Variants in SSU72 observed in about 807,000 individuals in gnomAD.
SSU72 encodes the protein RNA polymerase II subunit A C-terminal domain phosphatase SSU72.
Under a neutral mutation model 22.7 loss-of-function variants are expected in SSU72, and 12 were observed. The observed-to-expected ratio is 0.53, with a 90% CI of 0.34 to 0.86. The LOEUF (loss-of-function observed/expected upper bound fraction) is 0.86, where lower values mean the gene tolerates loss of function less well. Ranked by LOEUF, SSU72 falls within the 40% of genes least tolerant of loss-of-function variation. The pLI is 0.02. For missense variants in SSU72, 151 were observed against 249.8 expected (o/e 0.60, Z 2.67); for synonymous variants, 116 against 98.3 (o/e 1.18, Z -1.06).
intron 2 of SSU72, among the ~76,000 whole-genome samples, chr1:1,547,465 T>C (rs1251736467): frequency 6.6e-6 from 1 of 152,246 alleles, no homozygotes; most frequent in Non-Finnish European, 1.5e-5. Flanking sequence ...GCCACCCTTC[T>C]GGATCTCCTG....
At chr1:1,548,533 G>A (rs1265552069) in intron 2 of SSU72, among the ~76,000 whole-genome samples, 1 of 143,182 alleles carries the variant, frequency 7.0e-6, no homozygotes, top group East Asian at 2.1e-4. Flanking sequence ...TGGCCTCGGT[G>A]ACAGGAGCAA....
intron 2 of SSU72, among the ~76,000 whole-genome samples, chr1:1,549,452 G>A (rs1473886083): frequency 6.6e-6 from 1 of 151,592 alleles, no homozygotes; most frequent in African/African-American, 2.4e-5. Flanking sequence ...ACCCGGAGGC[G>A]GAGCTTGCAG....
chr1:1,574,631 TGGC>T lies in SSU72; in HGVS notation c.-77_-75del. 2.1e-6 allele frequency: 3 copies of T among 1,430,132 alleles called. No individual in the cohort carries two copies. The highest frequency in any genetic ancestry group is 2.8e-6 in the Non-Finnish European group (3 of 1,072,216). 88.6% of individuals were successfully genotyped at this position (1,430,132 alleles called of 1,614,324 possible). A position where few individuals can be genotyped will look rare whatever the true frequency, so the allele number is the denominator to read the frequency against. ...CCGCGGCGCTTCCGCGCGAACAAAA[TGGC>T]GGCCGCGGTGGCCGGAAGCGGGCGA... On this transcript the variant is annotated 5_prime_UTR_variant, in exon 1 of 5. Coordinates refer to ENST00000291386, the MANE Select transcript of SSU72 (RefSeq NM_014188.3).
chr1:1,562,495 A>C (rs1043587317), intron 2 of SSU72: 1 of 152,224 alleles, frequency 6.6e-6, no homozygotes, highest in Admixed American at 6.5e-5. Context: ...TGCACCGCCT[A>C]AGACTCAGAG....
At chr1:1,543,068 G>GCAGAGA (rs1481693345) in intron 4 of SSU72, among the ~76,000 whole-genome samples, 1 of 152,230 alleles carries the variant, frequency 6.6e-6, no homozygotes, top group African/African-American at 2.4e-5. Context: ...AGAGGCAGAG[G>GCAGAGA]CAGAGGCGGG....
chr1:1,554,025 G>A lies in SSU72; in HGVS notation c.225-9023C>T, dbSNP rs1033527132. Among the ~76,000 whole-genome samples, 2 of 152,198 alleles carry A rather than the reference G, an allele frequency of 1.3e-5. No individual in the cohort carries two copies. The highest frequency in any genetic ancestry group is 2.9e-5 in the Non-Finnish European group (2 of 68,026). On this transcript the variant is annotated intron_variant, in intron 2 of 4. Transcript: ENST00000291386. This position sits in a 1 kb window ranked among gnomAD's most constrained non-coding sequence, Gnocchi z 4.1. The stretch of plus-strand genomic sequence containing the variant: ...GTGGTGAGAACTCAGCAGGTCCGGG[G>A]GACGTCAGGTGGCCACGGAGACCAC...
At chr1:1,559,107 C>T (rs1189309981) in intron 2 of SSU72, among the ~76,000 whole-genome samples, 1 of 152,250 alleles carries the variant, frequency 6.6e-6, no homozygotes, top group African/African-American at 2.4e-5. Context: ...CTCTACTCCA[C>T]GTGCCACTGA....
Position 1,554,856 on chromosome 1 carries a change from C to A in SSU72, c.225-9854G>T, listed in dbSNP as rs1200390413. 2.0e-5 allele frequency among the ~76,000 whole-genome samples: 3 copies of A among 152,304 alleles called. No individual in the cohort carries two copies. The highest frequency in any genetic ancestry group is 4.1e-4 in the South Asian group (2 of 4,828). ...GCTGCCGGCGCCAGCCCCACGTACC[C>A]CCGACCACCTCAGCTCCTGGCCCTC... On this transcript the variant is annotated intron_variant, in intron 2 of 4. Transcript: ENST00000291386. This position sits in a 1 kb window ranked among gnomAD's most constrained non-coding sequence, Gnocchi z 4.1.
intron 1 of SSU72, among the ~76,000 whole-genome samples, chr1:1,572,299 G>A (rs1642740787): frequency 7.1e-6 from 1 of 140,990 alleles, no homozygotes; most frequent in Non-Finnish European, 1.5e-5. Flanking sequence ...GTGGTGGCGG[G>A]CGCCTGTAGT....
chr1:1,556,723 G>A (rs185334797), intron 2 of SSU72, among the ~76,000 whole-genome samples: 11 of 152,304 alleles, frequency 7.2e-5, no homozygotes, highest in African/African-American at 2.6e-4. Flanking sequence ...CTCTGGGGGG[G>A]TCCACCATGG....
At chr1:1,553,077 G>T (rs1434899019) in intron 2 of SSU72, among the ~76,000 whole-genome samples, 1 of 150,528 alleles carries the variant, frequency 6.6e-6, no homozygotes, top group Non-Finnish European at 1.5e-5. Context: ...GTCTTAAATT[G>T]TGAATTATTC....
intron 2 of SSU72, chr1:1,561,494 A>T (rs1642591947): frequency 6.6e-6 from 1 of 152,172 alleles, no homozygotes; most frequent in Non-Finnish European, 1.5e-5. Context: ...ACTTCTGCCA[A>T]CGCACCGGCT....
chr1:1,571,004 T>A (rs1320013180), intron 1 of SSU72, among the ~76,000 whole-genome samples: 1 of 151,974 alleles, frequency 6.6e-6, no homozygotes, highest in Non-Finnish European at 1.5e-5. Context: ...CCCAGCACTT[T>A]GGGAGGCCGA....
In SSU72 at chr1:1,564,328, T is replaced by G. The variant is rs370665731; in HGVS notation, c.224+445A>C. 463 of 708,664 alleles carry G rather than the reference T, an allele frequency of 6.5e-4. 2 individuals carry two copies. In the African/African-American group the frequency reaches 7.6e-3, roughly 12 times the overall value. The allele number at this position is 708,664 out of a possible 1,614,324, so 43.9% of individuals were successfully genotyped here. Reference sequence around the variant, plus strand: ...TTAGCAAGCTCCGCCCTCTTCTTTATCTGACCTTCTAACGACCTCACCAGA... The same window carrying G: ...TTAGCAAGCTCCGCCCTCTTCTTTAGCTGACCTTCTAACGACCTCACCAGA... On this transcript the variant is annotated intron_variant, in intron 2 of 4. Transcript: ENST00000291386.
chr1:1,568,794 CAT>C, intron 1 of SSU72, among the ~76,000 whole-genome samples: 1 of 151,770 alleles, frequency 6.6e-6, no homozygotes, highest in Non-Finnish European at 1.5e-5. Context: ...CGTGGTGGCT[CAT>C]GCCTGTAATC....
chr1:1,566,241 G>A (rs530050586), intron 1 of SSU72, among the ~76,000 whole-genome samples: 26 of 152,098 alleles, frequency 1.7e-4, no homozygotes, highest in Non-Finnish European at 3.5e-4. Context: ...CTCCAGCCTG[G>A]GCAAAAGAGC....
At chr1:1,564,193 G>C (rs972168968) in intron 2 of SSU72, 1 of 216,910 alleles carries the variant, frequency 4.6e-6, no homozygotes, top group Non-Finnish European at 9.1e-6. Context: ...TCAGAATCTA[G>C]TTTAAGAATA....
intron 3 of SSU72, 95 bp from the exon 4 acceptor site, chr1:1,544,082 C>T (rs774262022): frequency 4.4e-6 from 4 of 903,884 alleles, no homozygotes; most frequent in African/African-American, 1.7e-5. Flanking sequence ...GGCTGCAGGC[C>T]CAGCCCAGCC....
At chr1:1,545,139 GGCCAT>G in intron 2 of SSU72, 137 bp from the exon 3 acceptor site, 1 of 1,030,980 alleles carries the variant, frequency 9.7e-7, no homozygotes, top group Admixed American at 2.3e-5. Flanking sequence ...CAGCGGAGTG[GGCCAT>G]GCCCTGGTGA....
Sources: allele counts gnomAD v4.1 joint callset (sites outside exome capture counted in the v4.1 genomes callset), GRCh38; gene constraint gnomAD v4.1.1; non-coding constraint Gnocchi (gnomAD v3.1); transcripts MANE v1.5; gene names NCBI Gene and HGNC (gene_info 2026-07-23, HGNC 2026-07-21).